Variants in ERI3 observed in about 807,000 individuals in gnomAD.
The protein encoded by ERI3 is ERI1 exoribonuclease 3.
In ERI3, 18 loss-of-function variants were observed where a neutral mutation model predicts 44.4. The ratio of observed to expected loss-of-function variants is 0.41; its 90% CI spans 0.28 to 0.60. The LOEUF (loss-of-function observed/expected upper bound fraction) is 0.60. Ranked by LOEUF, ERI3 falls within the 20% of genes least tolerant of loss-of-function variation. The pLI, the probability that ERI3 is intolerant of heterozygous loss-of-function variation, is 0.36. For missense variants in ERI3, 294 were observed against 435.5 expected, an observed-to-expected ratio of 0.68 and a Z score of 2.89; for synonymous variants, 183 against 164.8, an observed-to-expected ratio of 1.11 and a Z score of -0.84.
At chr1:44,239,894 T>C (rs558264520) in intron 8 of ERI3, among the ~76,000 whole-genome samples, 1 of 152,330 alleles carries the variant, frequency 6.6e-6, no homozygotes, top group Non-Finnish European at 1.5e-5. Context: ...GTCTGACCCC[T>C]GCCCCTGCCT....
chr1:44,293,411 T>C (rs1316382191), intron 6 of ERI3, among the ~76,000 whole-genome samples: 5 of 152,206 alleles, frequency 3.3e-5, no homozygotes, highest in Non-Finnish European at 7.3e-5. Context: ...AGGAAAGGCC[T>C]GAGGCAGGGA....
At chr1:44,260,227 T>C (rs1644866742) in intron 7 of ERI3, among the ~76,000 whole-genome samples, 1 of 152,208 alleles carries the variant, frequency 6.6e-6, no homozygotes, top group African/African-American at 2.4e-5. Context: ...ATAACTGTGA[T>C]ACAGTGAGTG....
intron 2 of ERI3, among the ~76,000 whole-genome samples, chr1:44,351,432 A>G (rs58756828): frequency 0.012 from 1,845 of 152,286 alleles, 71 homozygotes; most frequent in East Asian, 0.069. Flanking sequence ...TCAGCAAACT[A>G]TGTCCCATGG....
intron 6 of ERI3, among the ~76,000 whole-genome samples, chr1:44,304,394 A>G (rs1169162008): frequency 6.6e-6 from 1 of 152,210 alleles, no homozygotes; most frequent in Non-Finnish European, 1.5e-5. Context: ...AAGGAAGGAA[A>G]TAAGTATTAA....
intron 7 of ERI3, among the ~76,000 whole-genome samples, chr1:44,268,444 G>A (rs535404097): frequency 1.3e-5 from 2 of 152,254 alleles, no homozygotes; most frequent in African/African-American, 4.8e-5. Context: ...TGCCCCAGCT[G>A]GTCAAATTCA....
At chr1:44,280,319 T>C (rs1015758351) in intron 7 of ERI3, among the ~76,000 whole-genome samples, 3 of 152,240 alleles carry the variant, frequency 2.0e-5, no homozygotes, top group African/African-American at 7.2e-5. Flanking sequence ...ATCTCTATGT[T>C]GCATTATAGC....
intron 5 of ERI3, 78 bp downstream of exon 5, chr1:44,313,091 C>T (rs1646008409): frequency 2.4e-6 from 3 of 1,244,686 alleles, no homozygotes; most frequent in Non-Finnish European, 3.5e-6. Flanking sequence ...AATTACACGG[C>T]TACATTCTCA....
At chr1:44,236,596 C>G (rs1390081992) in intron 8 of ERI3, among the ~76,000 whole-genome samples, 1 of 151,806 alleles carries the variant, frequency 6.6e-6, no homozygotes, top group African/African-American at 2.4e-5. Flanking sequence ...AATAAAGCCA[C>G]ATGGGAAGGC....
intron 8 of ERI3, among the ~76,000 whole-genome samples, chr1:44,237,463 T>C (rs555455056): frequency 2.9e-4 from 44 of 152,336 alleles, no homozygotes; most frequent in African/African-American, 1.0e-3. Context: ...CCAGTGAGCC[T>C]GACAGTTAGA....
intron 8 of ERI3, among the ~76,000 whole-genome samples, chr1:44,239,416 C>G (rs1644383914): frequency 6.6e-6 from 1 of 152,158 alleles, no homozygotes; most frequent in South Asian, 2.1e-4. Context: ...TGAATCACAC[C>G]CTCAACCCTC....
chr1:44,262,983 A>T (rs1334989609), intron 7 of ERI3, among the ~76,000 whole-genome samples: 1 of 152,186 alleles, frequency 6.6e-6, no homozygotes, highest in East Asian at 1.9e-4. Flanking sequence ...TTGCCCAGTC[A>T]CATTTCCACT....
At chr1:44,262,717 T>G (rs544768176) in intron 7 of ERI3, among the ~76,000 whole-genome samples, 4 of 152,330 alleles carry the variant, frequency 2.6e-5, no homozygotes, top group African/African-American at 9.6e-5. Flanking sequence ...CTGAGGACAA[T>G]GCCTTGTGAG....
intron 6 of ERI3, among the ~76,000 whole-genome samples, chr1:44,302,929 T>C (rs1645757389): frequency 6.6e-6 from 1 of 152,248 alleles, no homozygotes; most frequent in Non-Finnish European, 1.5e-5. Flanking sequence ...GGCGTCAGTT[T>C]CCTCATTTGT....
chr1:44,339,007 C>T (rs759483498), intron 3 of ERI3, 38 bp downstream of exon 3: 12 of 1,598,586 alleles, frequency 7.5e-6, no homozygotes, highest in South Asian at 1.1e-5. Flanking sequence ...CCCTCCTTGC[C>T]CCCCCCACCT....
Position 44,308,481 on chromosome 1 carries a change from T to G in ERI3, c.667-80A>C. 2.8e-6 allele frequency: 3 copies of G among 1,074,140 alleles called. No homozygotes were observed. In the Admixed American group the frequency reaches 5.1e-5, roughly 18 times the overall value. 66.5% of individuals were successfully genotyped at this position (1,074,140 alleles called of 1,614,324 possible). On this transcript the variant is annotated intron_variant, in intron 5 of 8. Transcript: ENST00000372257. ...AAGAGCCACAACAGCAAAACACAGA[T>G]AAGCTGCTTGTAATCAGAACAGGAG...
chr1:44,300,665 A>G (rs1645704351), intron 6 of ERI3, among the ~76,000 whole-genome samples: 1 of 152,182 alleles, frequency 6.6e-6, no homozygotes, highest in South Asian at 2.1e-4. Context: ...TGCATCTAGG[A>G]AATGGTTAAT....
rs1152029 is a variant in ERI3, at chr1:44,231,379, C to T, written c.932-9739G>A. 9.0e-3 allele frequency among the ~76,000 whole-genome samples: 1,366 copies of T among 152,180 alleles called. 18 individuals carry two copies. Among genetic ancestry groups the T allele is most frequent in the African/African-American group, 0.031 (1,273 of 41,512 alleles). ...CTGTATTCACATTTTTCCTTGCCCA[C>T]TTCTTTTTCTTTGAGTTAGAGCCCT... On this transcript the variant is annotated intron_variant, in intron 8 of 8. Coordinates refer to ENST00000372257, the MANE Select transcript of ERI3 (RefSeq NM_024066.3).
chr1:44,259,689 G>GACACACACACACACAC (rs58901342), intron 7 of ERI3, among the ~76,000 whole-genome samples: 13,636 of 140,152 alleles, frequency 0.097, 816 homozygotes, highest in South Asian at 0.13. Context: ...AAAACACACA[G>GACACACACACACACAC]ACACACACAC....
At chr1:44,243,156 C>G (rs1357288022) in intron 8 of ERI3, among the ~76,000 whole-genome samples, 1 of 152,242 alleles carries the variant, frequency 6.6e-6, no homozygotes, top group African/African-American at 2.4e-5. Context: ...TGCCACCTGC[C>G]AGCCCAGCTC....
Sources: allele counts gnomAD v4.1 joint callset (sites outside exome capture counted in the v4.1 genomes callset), GRCh38; gene constraint gnomAD v4.1.1; transcripts MANE v1.5; gene names NCBI Gene and HGNC (gene_info 2026-07-23, HGNC 2026-07-21).